CDH7: variants seen among roughly 807,000 people sequenced by gnomAD.
The protein encoded by CDH7 is cadherin 7.
In CDH7, 25 loss-of-function variants were observed where a neutral mutation model predicts 71.8. That is an observed-to-expected ratio of 0.35 (90% confidence interval 0.25 to 0.49). CDH7 has a LOEUF of 0.49. Ranked by LOEUF, CDH7 falls within the 20% of genes least tolerant of loss-of-function variation. The pLI is 0.99. For synonymous variants in CDH7, 381 were observed against 363.8 expected (o/e 1.05, Z -0.54); for missense variants, 862 against 974.6 (o/e 0.88, Z 1.54).
intron 2 of CDH7, among the ~76,000 whole-genome samples, chr18:65,775,564 A>T (rs1185161892): frequency 6.6e-6 from 1 of 152,204 alleles, no homozygotes; most frequent in Non-Finnish European, 1.5e-5. Context: ...TAAGGCAGGG[A>T]TGTCCAATCT....
chr18:65,808,921 T>A lies in CDH7; in HGVS notation c.211-783T>A, dbSNP rs112384404. Among the ~76,000 whole-genome samples, 659 of 152,218 alleles carry A rather than the reference T, an allele frequency of 4.3e-3. 5 individuals are homozygous for A. Among genetic ancestry groups the A allele is most frequent in the Non-Finnish European group, 5.3e-3 (363 of 68,018 alleles). ...GTAATTACGTGTGAGTTTCCTGAGG[T>A]TCCTCTGTTCAACATTATGTTCTGA... On this transcript the variant is annotated intron_variant, in intron 2 of 11. Coordinates refer to ENST00000397968, the MANE Select transcript of CDH7 (RefSeq NM_004361.5).
intron 2 of CDH7, among the ~76,000 whole-genome samples, chr18:65,772,499 A>C (rs952518366): frequency 6.6e-6 from 1 of 152,166 alleles, no homozygotes; most frequent in Non-Finnish European, 1.5e-5. Context: ...GATACTGGGG[A>C]GTTCTAGTCA....
At chr18:65,810,346 C>T (rs964650013) in intron 3 of CDH7, among the ~76,000 whole-genome samples, 53 of 152,140 alleles carry the variant, frequency 3.5e-4, no homozygotes, top group African/African-American at 1.3e-3. Context: ...CTTCCAGACA[C>T]AGGCCAGTGA....
rs1914469857 is a variant in CDH7 at position 65,890,331 on chromosome 18, A to G, written c.*9437A>G. ...CAAGCAATTTTAATTAAAATCAGAT[A>G]ATTAAATATGGCTCTGTGTTTTCAT... is the stretch of plus-strand genomic sequence containing the variant. On this transcript the variant is annotated 3_prime_UTR_variant, in exon 12 of 12. Transcript: ENST00000397968. 1 of 152,174 alleles carries G rather than the reference A, an allele frequency of 6.6e-6. No individual in the cohort carries two copies. The highest frequency in any genetic ancestry group is 2.1e-4 in the South Asian group (1 of 4,830). The allele number at this position is 152,174 out of a possible 1,614,324, so 9.4% of individuals were successfully genotyped here.
intron 2 of CDH7, among the ~76,000 whole-genome samples, chr18:65,801,514 A>G (rs961931649): frequency 1.3e-5 from 2 of 152,220 alleles, no homozygotes; most frequent in African/African-American, 4.8e-5. Context: ...ACCGAATAGC[A>G]ATGTATATGC....
chr18:65,836,400 C>T (rs73963806), intron 6 of CDH7, among the ~76,000 whole-genome samples: 2,919 of 152,122 alleles, frequency 0.019, 92 homozygotes, highest in African/African-American at 0.067. Context: ...TAAAATAATA[C>T]GTGATGGCTG....
At chr18:65,826,410 A>T (rs1013440060) in intron 6 of CDH7, among the ~76,000 whole-genome samples, 6 of 151,230 alleles carry the variant, frequency 4.0e-5, no homozygotes, top group Non-Finnish European at 8.9e-5. Context: ...AATATTGAAC[A>T]ATGGAAGAAA....
chr18:65,775,511 A>G (rs563163559), intron 2 of CDH7, among the ~76,000 whole-genome samples: 10 of 152,180 alleles, frequency 6.6e-5, no homozygotes, highest in Non-Finnish European at 1.2e-4. Flanking sequence ...GGCCTAATTC[A>G]GGTGTTTTAT....
intron 7 of CDH7, among the ~76,000 whole-genome samples, chr18:65,855,348 A>G (rs1284498694): frequency 9.6e-6 from 1 of 104,508 alleles, no homozygotes; most frequent in Admixed American, 1.1e-4. Flanking sequence ...CAACATTGAC[A>G]AAGGAAAAAA....
intron 2 of CDH7, among the ~76,000 whole-genome samples, chr18:65,772,296 C>G (rs538720923): frequency 6.6e-6 from 1 of 152,122 alleles, no homozygotes; most frequent in Non-Finnish European, 1.5e-5. Flanking sequence ...ACACATTCCG[C>G]ACTTGATTCT....
intron 11 of CDH7, 101 bp downstream of exon 11, chr18:65,863,018 T>A (rs1913633419): frequency 7.9e-7 from 1 of 1,261,918 alleles, no homozygotes; most frequent in Admixed American, 2.0e-5. Context: ...TATGCAGATA[T>A]TCTACTGGAT....
At chr18:65,800,056 A>G (rs994481086) in intron 2 of CDH7, among the ~76,000 whole-genome samples, 2 of 152,168 alleles carry the variant, frequency 1.3e-5, no homozygotes, top group African/African-American at 4.8e-5. Flanking sequence ...AATTTTATGT[A>G]ACAACTCTAG....
chr18:65,804,059 T>A (rs1176321593), intron 2 of CDH7, among the ~76,000 whole-genome samples: 1 of 152,072 alleles, frequency 6.6e-6, no homozygotes, highest in African/African-American at 2.4e-5. Context: ...ATCACAGAGG[T>A]TTTAGTTTCT....
At chr18:65,750,768 G>GGCGCGCTCTCTCCTCCTCTCCT (rs1568166029), upstream of CDH7, 1 of 152,728 alleles carries the variant, frequency 6.5e-6, no homozygotes, top group Non-Finnish European at 1.5e-5. Context: ...CCCCGGCTCC[G>GGCGCGCTCTCTCCTCCTCTCCT]GCGCGCTCTC....
intron 2 of CDH7, among the ~76,000 whole-genome samples, chr18:65,794,561 G>A (rs73542730): frequency 0.023 from 3,562 of 151,934 alleles, 122 homozygotes; most frequent in African/African-American, 0.077. Flanking sequence ...CAACCAGTTG[G>A]GGGTCGGGAG....
At chr18:65,811,175 C>A (rs17075236) in intron 3 of CDH7, among the ~76,000 whole-genome samples, 2,424 of 104,250 alleles carry the variant, frequency 0.023, 52 homozygotes, top group African/African-American at 0.078. Context: ...TATTTTAACC[C>A]ATGTGATTTA....
At chr18:65,765,036 T>A (rs1449668086) in intron 2 of CDH7, among the ~76,000 whole-genome samples, 2 of 152,064 alleles carry the variant, frequency 1.3e-5, no homozygotes, top group Non-Finnish European at 2.9e-5. Flanking sequence ...ATTATGTACC[T>A]CTCTTCCAAC....
chr18:65,881,101 C>T lies in CDH7; in HGVS notation c.*207C>T. 2.1e-6 allele frequency: 1 copy of T among 475,838 alleles called. No individual in the cohort carries two copies. The highest frequency in any genetic ancestry group is 3.6e-6 in the Non-Finnish European group (1 of 276,630). 29.5% of individuals were successfully genotyped at this position (475,838 alleles called of 1,614,324 possible). On this transcript the variant is annotated 3_prime_UTR_variant, in exon 12 of 12. Coordinates refer to ENST00000397968, the MANE Select transcript of CDH7 (RefSeq NM_004361.5). The stretch of plus-strand genomic sequence containing the variant: ...CATTAGACTTATCTAAAGGACTGCA[C>T]TGACCACAGACTCTGAGCATTTGAA...
rs1914343760 is a variant in CDH7, at chr18:65,885,372, G to GTTTTTTTTTTTTGT, written c.*4490_*4491insGTTTTTTTTTTTTT. The GTTTTTTTTTTTTGT allele has an allele frequency of 1.4e-5, 1 of 69,446 alleles. No individual in the cohort carries two copies. The highest frequency in any genetic ancestry group is 5.6e-4 in the South Asian group (1 of 1,788). 4.3% of individuals were successfully genotyped at this position (69,446 alleles called of 1,614,324 possible). A position where few individuals can be genotyped will look rare whatever the true frequency, so the allele number is the denominator to read the frequency against. Reference sequence around the variant, plus strand: ...GTAACTGAAAAGGATGTGTGCCTGTGTTTTTTTTTTTTTTTTTTTTTTTGA... The same window carrying GTTTTTTTTTTTTGT: ...GTAACTGAAAAGGATGTGTGCCTGTGTTTTTTTTTTTTGTTTTTTTTTTTTTTTTTTTTTTTTGA... On this transcript the variant is annotated 3_prime_UTR_variant, in exon 12 of 12. Transcript: ENST00000397968.
Sources: gnomAD v4.1 joint callset for allele counts (sites outside exome capture counted in the v4.1 genomes callset) on GRCh38, gnomAD v4.1.1 for gene constraint, MANE v1.5 for transcripts, NCBI Gene and HGNC (gene_info 2026-07-23, HGNC 2026-07-21) for gene names.